The following RTF2 variants were observed in gnomAD, a reference collection of about 807,000 sequenced individuals.
RTF2 encodes the protein UPF0549 protein C20orf43.
In RTF2, 18 loss-of-function variants were observed where a neutral mutation model predicts 38.0. The observed-to-expected ratio is 0.47, with a 90% CI of 0.33 to 0.70. RTF2 has a LOEUF of 0.70. Among genes scored for constraint, RTF2 ranks in the 30% least tolerant of loss-of-function variants. The pLI is 0.02. For synonymous variants in RTF2, 126 were observed against 137.1 expected (o/e 0.92, Z 0.57); for missense variants, 311 against 379.6 (o/e 0.82, Z 1.50).
At chr20:56,471,772 T>C (rs1981984516) in intron 1 of RTF2, 2 of 152,242 alleles carry the variant, frequency 1.3e-5, no homozygotes, top group East Asian at 1.9e-4. Flanking sequence ...TCTGAGGTGC[T>C]TTTTGAATAT....
chr20:56,499,528 A>G (rs937016302), intron 5 of RTF2, among the ~76,000 whole-genome samples: 5 of 152,090 alleles, frequency 3.3e-5, no homozygotes, highest in African/African-American at 1.2e-4. Flanking sequence ...TACATTTTAT[A>G]TGAGATTTCT....
chr20:56,517,423 G>T (rs767861827), intron 8 of RTF2, among the ~76,000 whole-genome samples: 4 of 152,136 alleles, frequency 2.6e-5, no homozygotes, highest in Admixed American at 2.6e-4. Flanking sequence ...CACAAATGCT[G>T]GTTGTTTAGA....
At chr20:56,469,767 C>G (rs1981861246) in intron 1 of RTF2, among the ~76,000 whole-genome samples, 1 of 135,592 alleles carries the variant, frequency 7.4e-6, no homozygotes, top group South Asian at 2.5e-4. Flanking sequence ...CAGACCTTGC[C>G]TATGTTTCTG....
chr20:56,479,749 T>TACATCTCCATCAGAGCTCTTGCGTG (rs1568693618), intron 4 of RTF2, among the ~76,000 whole-genome samples: 2 of 152,082 alleles, frequency 1.3e-5, no homozygotes, highest in Non-Finnish European at 2.9e-5. Flanking sequence ...TTTAATCTTG[T>TACATCTCCATCAGAGCTCTTGCGTG]ACATCTCCAT....
chr20:56,499,300 G>A (rs1001278458), intron 5 of RTF2, among the ~76,000 whole-genome samples: 1 of 150,230 alleles, frequency 6.7e-6, no homozygotes, highest in African/African-American at 2.5e-5. Flanking sequence ...GGGTTCAAGC[G>A]ATTCTCCTGC....
At chr20:56,471,953 G>A (rs1441951242) in intron 1 of RTF2, among the ~76,000 whole-genome samples, 1 of 152,174 alleles carries the variant, frequency 6.6e-6, no homozygotes, top group Non-Finnish European at 1.5e-5. Flanking sequence ...GGCCAGGTGT[G>A]TTGGCTTACG....
chr20:56,468,936 A>G (rs562837894), intron 1 of RTF2, among the ~76,000 whole-genome samples, 170 bp downstream of exon 1: 12 of 152,310 alleles, frequency 7.9e-5, no homozygotes, highest in African/African-American at 2.2e-4. Context: ...TGGACATTCA[A>G]TGGGTGCTGA....
intron 5 of RTF2, chr20:56,504,168 G>A (rs987127230): frequency 6.6e-6 from 1 of 152,280 alleles, no homozygotes. Context: ...AGTCACTTGA[G>A]TAGAGTTGCT....
intron 1 of RTF2, chr20:56,472,448 G>A (rs1400860496): frequency 3.1e-6 from 4 of 1,299,852 alleles, no homozygotes; most frequent in Middle Eastern, 1.8e-4. Context: ...GGCCAGGGAG[G>A]GTCTTATGTC....
chr20:56,480,243 T>C (rs1031869709), intron 4 of RTF2, among the ~76,000 whole-genome samples: 1 of 152,208 alleles, frequency 6.6e-6, no homozygotes, highest in Non-Finnish European at 1.5e-5. Flanking sequence ...CTGCTTCACC[T>C]TGCACTTTTA....
chr20:56,495,296 AT>A (rs1194840824), intron 5 of RTF2: 1 of 1,550,942 alleles, frequency 6.4e-7, no homozygotes. Context: ...CACCTGGAGC[AT>A]CTAAGAGGAA....
rs1288153886 is a variant in RTF2 at position 56,491,651 on chromosome 20, T to C, written c.477+7462T>C. 6 of 1,551,984 alleles carry C rather than the reference T, an allele frequency of 3.9e-6. No homozygotes were observed. In the African/African-American group the frequency reaches 4.1e-5, roughly 11 times the overall value. ...TGCCTGCCTCAGCACTTGAAGTCTG[T>C]GCCGCCGCTCTAAGCAGGTAACCAC... On this transcript the variant is annotated intron_variant, in intron 5 of 8. Transcript: ENST00000357348.
At chr20:56,503,261 TCTAA>T (rs979106219) in intron 5 of RTF2, among the ~76,000 whole-genome samples, 3 of 152,232 alleles carry the variant, frequency 2.0e-5, no homozygotes, top group Admixed American at 6.5e-5. Flanking sequence ...TCAAAAGCTG[TCTAA>T]CTGTCCAGTG....
intron 5 of RTF2, among the ~76,000 whole-genome samples, chr20:56,494,357 C>T (rs2146341781): frequency 6.6e-6 from 1 of 152,238 alleles, no homozygotes; most frequent in East Asian, 1.9e-4. Flanking sequence ...TGAATCATTA[C>T]TTTATTATTG....
chr20:56,477,642 C>G (rs1310261537), intron 4 of RTF2, among the ~76,000 whole-genome samples: 1 of 151,876 alleles, frequency 6.6e-6, no homozygotes, highest in Non-Finnish European at 1.5e-5. Flanking sequence ...CTCAGCATCC[C>G]AAAGTGCTGG....
At chr20:56,489,839 G>A (rs537790704) in intron 5 of RTF2, among the ~76,000 whole-genome samples, 10 of 152,186 alleles carry the variant, frequency 6.6e-5, no homozygotes, top group Admixed American at 1.3e-4. Flanking sequence ...ATAAAATACC[G>A]GGGACATAAT....
intron 5 of RTF2, among the ~76,000 whole-genome samples, chr20:56,508,764 G>A (rs531029945): frequency 1.3e-5 from 2 of 152,310 alleles, no homozygotes; most frequent in African/African-American, 4.8e-5. Context: ...AAGTCAATTC[G>A]ATGGGGGAAA....
At chr20:56,513,185 C>A in intron 5 of RTF2, 130 bp from the exon 6 acceptor site, 2 of 1,285,110 alleles carry the variant, frequency 1.6e-6, no homozygotes, top group Non-Finnish European at 2.1e-6. Flanking sequence ...AAGGCTTTGA[C>A]CAGAAAGCCG....
At chr20:56,500,535 T>G (rs933087146) in intron 5 of RTF2, among the ~76,000 whole-genome samples, 1 of 152,212 alleles carries the variant, frequency 6.6e-6, no homozygotes, top group Non-Finnish European at 1.5e-5. Flanking sequence ...AGGGTAGCCA[T>G]TGTCCTTTGG....
Sources: gnomAD v4.1 joint callset for allele counts (sites outside exome capture counted in the v4.1 genomes callset) on GRCh38, gnomAD v4.1.1 for gene constraint, MANE v1.5 for transcripts, NCBI Gene and HGNC (gene_info 2026-07-23, HGNC 2026-07-21) for gene names.